MAX: variants seen among roughly 807,000 people sequenced by gnomAD.
The protein encoded by MAX is MYC associated transcriptional regulator X, also known as protein max.
MAX carries 3 observed loss-of-function variants against 22.3 expected under a neutral mutation model. The ratio of observed to expected loss-of-function variants is 0.13; its 90% CI spans 0.06 to 0.35. MAX has a LOEUF of 0.35. MAX is among the 10% of genes least tolerant of loss of function. The probability of loss-of-function intolerance (pLI) is 1.00; values close to 1 mark genes in which losing one functional copy is unlikely to be tolerated. For missense variants in MAX, 119 were observed against 209.4 expected, an observed-to-expected ratio of 0.57 and a Z score of 2.66; for synonymous variants, 72 against 77.7, an observed-to-expected ratio of 0.93 and a Z score of 0.39.
chr14:65,052,968 T>C (rs994842143), intron 3 of MAX, among the ~76,000 whole-genome samples: 1 of 152,214 alleles, frequency 6.6e-6, no homozygotes, highest in African/African-American at 2.4e-5. Flanking sequence ...GCCAGAGATG[T>C]GGTTGAGGAT....
rs1181769581 is a variant in MAX, at chr14:65,084,043, G to T, written c.172-6007C>A. 1.9e-6 allele frequency: 3 copies of T among 1,588,896 alleles called. No homozygotes were observed. Among genetic ancestry groups the T allele is most frequent in the East Asian group, 4.5e-5 (2 of 44,088 alleles). On this transcript the variant is annotated intron_variant, in intron 3 of 4. Coordinates refer to ENST00000358664, the MANE Select transcript of MAX (RefSeq NM_002382.5). The surrounding 1 kb of genome is among the most constrained non-coding windows in gnomAD (Gnocchi z 4.3). The stretch of plus-strand genomic sequence containing the variant: ...AGCACAGACCCATGGCTCCTTGAAG[G>T]CTTCCTGCTGCCAGGGCCTCCCCAG...
chr14:65,072,452 C>G (rs768951429), downstream of MAX, among the ~76,000 whole-genome samples: 13 of 152,334 alleles, frequency 8.5e-5, no homozygotes, highest in Middle Eastern at 3.4e-3. Context: ...CACCTTCATC[C>G]TGACCTCAGA....
rs567680521 is a variant in MAX, at chr14:65,076,307, A to G, written c.*169T>C. The G allele has an allele frequency of 4.5e-5, 66 of 1,476,448 alleles. No homozygotes were observed. The East Asian group carries it at 1.6e-3, about 37-fold the overall frequency. The allele number at this position is 1,476,448 out of a possible 1,614,324, so 91.5% of individuals were successfully genotyped here. ...ACAGTGGAAATGGGGAAGGAGAACGAGAGCTGTTGTCCAAGAGCTTCTACG... is the reference window on the plus strand; with the variant it reads ...ACAGTGGAAATGGGGAAGGAGAACGGGAGCTGTTGTCCAAGAGCTTCTACG... On this transcript the variant is annotated 3_prime_UTR_variant, in exon 5 of 5. Transcript: ENST00000358664. This position sits in a 1 kb window ranked among gnomAD's most constrained non-coding sequence, Gnocchi z 6.6.
At chr14:65,037,402 C>CTTTTT (rs765037575) in intron 3 of MAX, among the ~76,000 whole-genome samples, 10 of 14,532 alleles carry the variant, frequency 6.9e-4, no homozygotes, top group Non-Finnish European at 1.2e-3. Context: ...CACGCCGGGC[C>CTTTTT]CTTTTTTTTT....
At position 65,084,182 on chromosome 14, in the gene MAX, A is replaced by G. The variant is rs985357472; in HGVS notation, c.172-6146T>C. The G allele has an allele frequency of 1.9e-6, 3 of 1,613,894 alleles. No homozygotes were observed. The highest frequency in any genetic ancestry group is 1.7e-5 in the Admixed American group (1 of 60,008). On this transcript the variant is annotated intron_variant, in intron 3 of 4. Coordinates refer to ENST00000358664, the MANE Select transcript of MAX (RefSeq NM_002382.5). This position sits in a 1 kb window ranked among gnomAD's most constrained non-coding sequence, Gnocchi z 4.3. ...TAAGGGGTCAAAACAATCATTTTTT[A>G]AATCTTGCATTCTTTTTTCTTGTGC... is the stretch of plus-strand genomic sequence containing the variant.
chr14:65,035,773 A>G (rs936504963), intron 3 of MAX, among the ~76,000 whole-genome samples: 6 of 151,558 alleles, frequency 4.0e-5, no homozygotes, highest in African/African-American at 7.3e-5. Flanking sequence ...GGCTCAGGCT[A>G]TCCACCCACC....
At chr14:65,061,449 T>TCAAA (rs1196353039) in intron 3 of MAX, 1 of 1,392,332 alleles carries the variant, frequency 7.2e-7, no homozygotes, top group African/African-American at 1.4e-5. Flanking sequence ...TACTTTCTTG[T>TCAAA]CAAACAAAAC....
At chr14:65,010,115 A>G (rs2061660557) in intron 3 of MAX, among the ~76,000 whole-genome samples, 1 of 152,056 alleles carries the variant, frequency 6.6e-6, no homozygotes, top group Non-Finnish European at 1.5e-5. Flanking sequence ...TTTTCCCCTC[A>G]GTCTTGCTGC....
In MAX at chr14:65,040,969, GTGAT is replaced by G. The variant is rs779620216; in HGVS notation, c.172-34689_172-34686del. 36 of 1,600,558 alleles carry G rather than the reference GTGAT, an allele frequency of 2.2e-5. No individual in the cohort carries two copies. The Admixed American group carries it at 5.7e-4, about 25-fold the overall frequency. ...CTCTCAGGCCCCAGGTCATGGTGAT[GTGAT>G]TGTACTCAGACATGCAGGCTTCAGG... On this transcript the variant is annotated intron_variant, in intron 3 of 3. Transcript: ENST00000341653.
rs576016013 is a variant in MAX at position 65,016,828 on chromosome 14, A to G, written c.172-10544T>C. ...GCATTGTTTTGATCATCGGGATGCCACTGCAAGCCTGGCTGCTTCCAGCAC... is the reference window on the plus strand; with the variant it reads ...GCATTGTTTTGATCATCGGGATGCCGCTGCAAGCCTGGCTGCTTCCAGCAC... On this transcript the variant is annotated intron_variant, in intron 3 of 3. Transcript: ENST00000341653. Among the ~76,000 whole-genome samples, 2 of 152,146 alleles carry G rather than the reference A, an allele frequency of 1.3e-5. 1 individual carries two copies. The highest frequency in any genetic ancestry group is 4.1e-4 in the South Asian group (2 of 4,828).
Position 65,102,189 on chromosome 14 carries a change from G to A in MAX, c.36+115C>T, listed in dbSNP as rs532258112. The A allele has an allele frequency of 1.7e-5, 26 of 1,547,440 alleles. No homozygotes were observed. In the South Asian group the frequency reaches 1.8e-4, roughly 10 times the overall value. ...ACGGAGGCACTCCTGGCCCCGAGGGGAAGGGGAAGGAGGCGGCGGCAGCCC... is the reference window on the plus strand; with the variant it reads ...ACGGAGGCACTCCTGGCCCCGAGGGAAAGGGGAAGGAGGCGGCGGCAGCCC... On this transcript the variant is annotated intron_variant, in intron 1 of 4. Coordinates refer to ENST00000358664, the MANE Select transcript of MAX (RefSeq NM_002382.5).
intron 3 of MAX, among the ~76,000 whole-genome samples, chr14:65,025,174 T>C (rs934508670): frequency 8.6e-5 from 13 of 151,938 alleles, no homozygotes; most frequent in Non-Finnish European, 7.4e-5. Context: ...CTGAGGGAGG[T>C]TGGCATGGAG....
Position 65,060,497 on chromosome 14 carries a change from C to A in MAX, c.171+33211G>T, listed in dbSNP as rs1230288371. 1.6e-5 allele frequency among the ~76,000 whole-genome samples: 2 copies of A among 125,992 alleles called. 1 individual carries two copies. Among genetic ancestry groups the A allele is most frequent in the African/African-American group, 9.1e-5 (2 of 22,086 alleles). The allele number at this position is 125,992 out of a possible 152,430, so 82.7% of individuals were successfully genotyped here. On this transcript the variant is annotated intron_variant, in intron 3 of 3. Coordinates refer to the MAX transcript ENST00000341653. The stretch of plus-strand genomic sequence containing the variant: ...GGATCACGAGGTCAGGAGATCGAGA[C>A]CATCCCGGCTAAAACGGTGAAACCC...
chr14:65,038,076 A>C (rs1161453992), intron 3 of MAX, among the ~76,000 whole-genome samples: 2 of 152,098 alleles, frequency 1.3e-5, no homozygotes, highest in African/African-American at 4.8e-5. Flanking sequence ...GCCTTTTAAA[A>C]ATATGACATC....
At chr14:65,046,067 C>T (rs895252937) in intron 3 of MAX, among the ~76,000 whole-genome samples, 2 of 152,154 alleles carry the variant, frequency 1.3e-5, no homozygotes, top group African/African-American at 4.8e-5. Context: ...ACCTCTGCCC[C>T]CTGGGTTCAA....
At chr14:65,022,840 C>T (rs1367166905) in intron 3 of MAX, among the ~76,000 whole-genome samples, 1 of 152,174 alleles carries the variant, frequency 6.6e-6, no homozygotes, top group Non-Finnish European at 1.5e-5. Context: ...TATTACTGGT[C>T]TTTTCCTGCT....
chr14:65,083,418 A>G (rs768181321), intron 3 of MAX, among the ~76,000 whole-genome samples: 4 of 152,206 alleles, frequency 2.6e-5, no homozygotes, highest in African/African-American at 4.8e-5. Flanking sequence ...AAAATTTTCA[A>G]TGTAAGGCAA....
At position 65,027,841 on chromosome 14, in the gene MAX, G is replaced by A; in HGVS notation, c.172-21557C>T. On this transcript the variant is annotated intron_variant, in intron 3 of 3. Coordinates refer to the MAX transcript ENST00000341653. The surrounding 1 kb of genome is among the most constrained non-coding windows in gnomAD (Gnocchi z 5.7). The stretch of plus-strand genomic sequence containing the variant: ...TGACTCTAGAGCTCATCTGCCATTA[G>A]AGATGCCAAGCCTAAGGAACATCAT... 1 of 1,606,240 alleles carries A rather than the reference G, an allele frequency of 6.2e-7. No individual in the cohort carries two copies. The highest frequency in any genetic ancestry group is 8.5e-7 in the Non-Finnish European group (1 of 1,175,062).
At chr14:65,049,311 T>C (rs1261223675) in intron 3 of MAX, among the ~76,000 whole-genome samples, 1 of 152,162 alleles carries the variant, frequency 6.6e-6, no homozygotes, top group Admixed American at 6.6e-5. Flanking sequence ...ACCTGTGAAA[T>C]TGAGCTACAG....
Sources: allele counts gnomAD v4.1 joint callset (sites outside exome capture counted in the v4.1 genomes callset), GRCh38; gene constraint gnomAD v4.1.1; non-coding constraint Gnocchi (gnomAD v3.1); transcripts MANE v1.5; gene names NCBI Gene and HGNC (gene_info 2026-07-23, HGNC 2026-07-21).